Variants in STAM2 observed in about 807,000 individuals in gnomAD.
STAM2 encodes signal transducing adaptor molecule 2.
In STAM2, 51 loss-of-function variants were observed where a neutral mutation model predicts 65.6. The observed-to-expected ratio is 0.78, with a 90% confidence interval of 0.62 to 0.98. STAM2 has a LOEUF of 0.98. Among genes scored for constraint, STAM2 ranks in the 50% least tolerant of loss-of-function variants. The pLI, the probability that STAM2 is intolerant of heterozygous loss-of-function variation, is 0.00. For missense variants in STAM2, 584 were observed against 617.8 expected (o/e 0.95, Z 0.58); for synonymous variants, 198 against 208.4 (o/e 0.95, Z 0.43).
At chr2:152,136,892 C>CTTTTTTT (rs746931542) in intron 7 of STAM2, among the ~76,000 whole-genome samples, 13 of 130,104 alleles carry the variant, frequency 1.0e-4, no homozygotes, top group Non-Finnish European at 1.6e-4. Context: ...AAACATTTTT[C>CTTTTTTT]TTTTTTTTTT....
chr2:152,130,781 G>A (rs372366021), intron 11 of STAM2, among the ~76,000 whole-genome samples: 3 of 151,416 alleles, frequency 2.0e-5, no homozygotes, highest in Non-Finnish European at 2.9e-5. Flanking sequence ...AGCGGATCAC[G>A]AGGTCAGGAG....
intron 7 of STAM2, among the ~76,000 whole-genome samples, chr2:152,138,018 CCTTT>C (rs1184940066): frequency 5.3e-5 from 8 of 152,014 alleles, no homozygotes; most frequent in African/African-American, 1.9e-4. Context: ...GGGAAAATAC[CCTTT>C]CTATGTTACT....
In STAM2 at chr2:152,159,874, G is replaced by A. The variant is rs1017812780; in HGVS notation, c.41-9645C>T. On this transcript the variant is annotated intron_variant, in intron 1 of 13. Coordinates refer to ENST00000263904, the MANE Select transcript of STAM2 (RefSeq NM_005843.6). Reference sequence around the variant, plus strand: ...CTGCCCAGTGCCTGCGATTGCAGGCGCGCGCCGCCACGCCTGACTGGTTTT... The same window carrying A: ...CTGCCCAGTGCCTGCGATTGCAGGCACGCGCCGCCACGCCTGACTGGTTTT... Among the ~76,000 whole-genome samples, 40 of 152,330 alleles carry A rather than the reference G, an allele frequency of 2.6e-4. 1 individual carries two copies. In the East Asian group the frequency reaches 3.3e-3, roughly 12 times the overall value.
At chr2:152,124,992 A>G (rs1241166491) in intron 12 of STAM2, among the ~76,000 whole-genome samples, 1 of 152,244 alleles carries the variant, frequency 6.6e-6, no homozygotes, top group African/African-American at 2.4e-5. Context: ...GTGAGGAATC[A>G]AACAGAAAGT....
At chr2:152,130,692 T>TAAA in intron 11 of STAM2, among the ~76,000 whole-genome samples, 1 of 141,158 alleles carries the variant, frequency 7.1e-6, no homozygotes, top group African/African-American at 2.6e-5. Flanking sequence ...ACCCTGTCTT[T>TAAA]AAAAAAAAAA....
intron 7 of STAM2, among the ~76,000 whole-genome samples, chr2:152,143,155 A>G (rs1467797548): frequency 3.3e-5 from 5 of 152,224 alleles, no homozygotes; most frequent in Non-Finnish European, 7.3e-5. Context: ...TTACCACAGT[A>G]AAGTAAAACC....
chr2:152,169,309 C>A (rs778670418), intron 1 of STAM2, among the ~76,000 whole-genome samples: 1 of 152,138 alleles, frequency 6.6e-6, no homozygotes. Flanking sequence ...CAGGATCTGG[C>A]TCTGTCACCC....
intron 7 of STAM2, among the ~76,000 whole-genome samples, chr2:152,136,465 T>G (rs1689156964): frequency 6.6e-6 from 1 of 151,876 alleles, no homozygotes; most frequent in East Asian, 1.9e-4. Flanking sequence ...AATTAAAAAA[T>G]TAAAAAGTAA....
At chr2:152,159,485 A>G (rs1689618910) in intron 1 of STAM2, among the ~76,000 whole-genome samples, 1 of 152,106 alleles carries the variant, frequency 6.6e-6, no homozygotes, top group Non-Finnish European at 1.5e-5. Context: ...TTCTTCAAAA[A>G]TGTAGAAAAG....
Position 152,123,902 on chromosome 2 carries a change from T to C in STAM2, c.1213A>G (p.Met405Val). ...GTTACTTGGTGAATGCTCTGACCCA[T>C]ATAGTTTCCACCATGTGATTGAACT... ...YPVQSHGGNY[M>V]GQSIHQVTVA... Residue 405 changes from methionine (M) to valine (V), a missense_variant, in exon 13 of 14, where the codon ATG (methionine) becomes GTG (valine). Met to Val is a conservative substitution (Grantham distance 21). Coordinates refer to ENST00000263904, the MANE Select transcript of STAM2 (RefSeq NM_005843.6). 3 of 1,614,174 alleles carry C rather than the reference T, an allele frequency of 1.9e-6. No individual in the cohort carries two copies. The highest frequency in any genetic ancestry group is 2.5e-6 in the Non-Finnish European group (3 of 1,180,002).
rs1560207638 is a variant in STAM2, at chr2:152,120,408, A to AG, written c.*165_*166insC. ...ACAAACTGGACTGAAAAAAAAAAAA[A>AG]AAAAAAACCTTTTATGGCCTTGTAG... On this transcript the variant is annotated 3_prime_UTR_variant, in exon 14 of 14. Transcript: ENST00000263904. The AG allele has an allele frequency of 6.9e-6, 4 of 576,318 alleles. No individual in the cohort carries two copies. The East Asian group carries it at 1.2e-4, about 17-fold the overall frequency. 35.7% of individuals were successfully genotyped at this position (576,318 alleles called of 1,614,324 possible). A position where few individuals can be genotyped will look rare whatever the true frequency, so the allele number is the denominator to read the frequency against.
rs567984115 is a variant in STAM2 at position 152,174,098 on chromosome 2, T to TAGAAC, written c.40+1500_40+1504dup. 3.3e-3 allele frequency among the ~76,000 whole-genome samples: 509 copies of TAGAAC among 152,318 alleles called. 3 individuals are homozygous for TAGAAC. The highest frequency in any genetic ancestry group is 0.012 in the African/African-American group (491 of 41,556). ...CTCGGGAGCCAGGCAGGGAAAGGTTTAGAACAGAACAGACAGAGCAACTCT... is the reference window on the plus strand; with the variant it reads ...CTCGGGAGCCAGGCAGGGAAAGGTTTAGAACAGAACAGAACAGACAGAGCAACTCT... On this transcript the variant is annotated intron_variant, in intron 1 of 13. Transcript: ENST00000263904.
chr2:152,158,142 T>C (rs1689586866), intron 1 of STAM2, among the ~76,000 whole-genome samples: 1 of 152,160 alleles, frequency 6.6e-6, no homozygotes, highest in Non-Finnish European at 1.5e-5. Context: ...ACTATAAAAA[T>C]GGAATGTCTG....
At chr2:152,141,158 A>G (rs1689239992) in intron 7 of STAM2, among the ~76,000 whole-genome samples, 2 of 150,474 alleles carry the variant, frequency 1.3e-5, no homozygotes. Flanking sequence ...AAAAAAAAGA[A>G]AAGAAAAGAA....
intron 1 of STAM2, among the ~76,000 whole-genome samples, chr2:152,156,800 A>G (rs924825159): frequency 1.3e-5 from 2 of 152,192 alleles, no homozygotes; most frequent in Non-Finnish European, 2.9e-5. Flanking sequence ...CAACTTAACT[A>G]CATAAAATAA....
chr2:152,146,380 T>C (rs1016387180), intron 5 of STAM2, among the ~76,000 whole-genome samples: 8 of 151,950 alleles, frequency 5.3e-5, no homozygotes, highest in African/African-American at 1.5e-4. Context: ...TTAATATTAA[T>C]GGGAAGGAAT....
At chr2:152,144,509 C>A (rs1579321449) in intron 6 of STAM2, among the ~76,000 whole-genome samples, 1 of 152,172 alleles carries the variant, frequency 6.6e-6, no homozygotes, top group East Asian at 1.9e-4. Flanking sequence ...GTTTTATTAT[C>A]ATTTTTATTT....
chr2:152,130,116 T>C (rs1689031350), intron 11 of STAM2, among the ~76,000 whole-genome samples: 1 of 152,218 alleles, frequency 6.6e-6, no homozygotes, highest in African/African-American at 2.4e-5. Flanking sequence ...CTAAGCCCTA[T>C]CCCTTGTTTT....
intron 1 of STAM2, among the ~76,000 whole-genome samples, chr2:152,159,000 C>T (rs1314883249): frequency 6.7e-6 from 1 of 149,788 alleles, no homozygotes; most frequent in Non-Finnish European, 1.5e-5. Flanking sequence ...AAAAAATTGC[C>T]TTTTATCTAT....
Sources: gnomAD v4.1 joint callset for allele counts (sites outside exome capture counted in the v4.1 genomes callset) on GRCh38, gnomAD v4.1.1 for gene constraint, MANE v1.5 for transcripts, NCBI Gene and HGNC (gene_info 2026-07-23, HGNC 2026-07-21) for gene names.